Variants in SYNM observed in about 807,000 individuals in gnomAD.
The protein encoded by SYNM is desmuslin.
A neutral mutation model predicts 104.0 loss-of-function variants in SYNM; 95 were observed. The ratio of observed to expected loss-of-function variants is 0.91; its 90% CI spans 0.77 to 1.08. The LOEUF (loss-of-function observed/expected upper bound fraction) is 1.08. SYNM is among the 50% of genes least tolerant of loss of function. SYNM has a pLI of 0.00. For missense variants in SYNM, 2,150 were observed against 2,052.2 expected, an observed-to-expected ratio of 1.05 and a Z score of -0.92; for synonymous variants, 918 against 869.0, an observed-to-expected ratio of 1.06 and a Z score of -0.99.
At chr15:99,127,138 A>G (rs984766593) in intron 3 of SYNM, among the ~76,000 whole-genome samples, 1 of 152,098 alleles carries the variant, frequency 6.6e-6, no homozygotes. Flanking sequence ...TTCCAGACCA[A>G]GGGGTTATGG....
chr15:99,107,778 G>A (rs1402717470), intron 1 of SYNM, among the ~76,000 whole-genome samples: 1 of 152,114 alleles, frequency 6.6e-6, no homozygotes, highest in Non-Finnish European at 1.5e-5. Context: ...AGGGCCCACC[G>A]GGGAAGTGCT....
chr15:99,128,021 A>G (rs2151808299), intron 3 of SYNM, among the ~76,000 whole-genome samples: 1 of 152,262 alleles, frequency 6.6e-6, no homozygotes. Flanking sequence ...TCATTCATTC[A>G]TTCATTCATT....
chr15:99,134,748 G>A lies in SYNM; in HGVS notation c.*1690G>A, dbSNP rs2067549668. On this transcript the variant is annotated 3_prime_UTR_variant, in exon 4 of 4. Coordinates refer to ENST00000336292, the MANE Select transcript of SYNM (RefSeq NM_145728.3). The stretch of plus-strand genomic sequence containing the variant: ...GTTTTCTTCATTGATAAGTGGAGGA[G>A]AAATGCAGCACAGCTTTCAAGATAC... 1.3e-5 allele frequency: 2 copies of A among 152,236 alleles called. No individual in the cohort carries two copies. The highest frequency in any genetic ancestry group is 4.8e-5 in the African/African-American group (2 of 41,452). 9.4% of individuals were successfully genotyped at this position (152,236 alleles called of 1,614,324 possible). A position where few individuals can be genotyped will look rare whatever the true frequency, so the allele number is the denominator to read the frequency against.
Position 99,130,228 on chromosome 15 carries a change from G to C in SYNM, c.1868G>C (p.Ser623Thr), listed in dbSNP as rs1373425398. ...GAGCTACGGTTCAGGTTGGGCACCA[G>C]TGATGCCACTGGTTCTCTGCAAGGC... Reference protein sequence around the residue: ...ARELRFRLGTSDATGSLQGDS... With the variant: ...ARELRFRLGTTDATGSLQGDS... The change falls in exon 4 of 4, where the codon AGT becomes ACT. Residue 623 changes from serine (S) to threonine (T), a missense_variant. Physicochemically the swap from Ser to Thr is moderately conservative, Grantham distance 58. Transcript: ENST00000336292. The C allele has an allele frequency of 1.2e-5, 19 of 1,613,898 alleles. No individual in the cohort carries two copies. Among genetic ancestry groups the C allele is most frequent in the Non-Finnish European group, 1.6e-5 (19 of 1,179,914 alleles).
Position 99,132,393 on chromosome 15 carries a change from GGAGAGGGCTCAGCA to G in SYNM, c.4036_4049del (p.Glu1346CysfsTer12). On this transcript the variant is annotated frameshift_variant, in exon 4 of 4. Coordinates refer to ENST00000336292, the MANE Select transcript of SYNM (RefSeq NM_145728.3). LOFTEE classifies it high-confidence loss of function. ...TGGTGACTCAGAGAGCACTGTGCAC[GGAGAGGGCTCAGCA>G]GATGTGCACCAGGCCACTCACAGTC... The G allele has an allele frequency of 6.2e-7, 1 of 1,613,962 alleles. No individual in the cohort carries two copies. Among genetic ancestry groups the G allele is most frequent in the Non-Finnish European group, 8.5e-7 (1 of 1,179,878 alleles).
Position 99,115,083 on chromosome 15 carries a change from C to T in SYNM, c.935+1368C>T, listed in dbSNP as rs1022048897. Among the ~76,000 whole-genome samples, 4 of 152,180 alleles carry T rather than the reference C, an allele frequency of 2.6e-5. No individual in the cohort carries two copies. In the East Asian group the frequency reaches 5.8e-4, roughly 22 times the overall value. On this transcript the variant is annotated intron_variant, in intron 2 of 3. Coordinates refer to ENST00000336292, the MANE Select transcript of SYNM (RefSeq NM_145728.3). ...GAGAGAGGCCGGGAGGTTGGGGCTG[C>T]AGGCTGGTGAGGGGCAGAGCCAGCC...
At position 99,105,766 on chromosome 15, in the gene SYNM, G is replaced by C. The variant is rs2067231115; in HGVS notation, c.567G>C (p.Leu189=). The change falls in exon 1 of 4, where the codon CTG becomes CTC. Residue 189 remains leucine (L), a synonymous_variant. Transcript: ENST00000336292. The stretch of plus-strand genomic sequence containing the variant: ...GGGAGGTGCACGACAGCTACGCACT[G>C]CTGGTGGCCGAGTCGTGGCGGGAGA... The part of the protein sequence containing the change: ...RLREVHDSYA[L]LVAESWRETV... The C allele has an allele frequency of 6.5e-7, 1 of 1,541,630 alleles. No individual in the cohort carries two copies. The highest frequency in any genetic ancestry group is 2.5e-5 in the East Asian group (1 of 40,456).
chr15:99,117,732 TGCCTTTTTGGTAGGGTATTCACAAGCCAC>T (rs2151802718), intron 2 of SYNM, among the ~76,000 whole-genome samples: 1 of 83,418 alleles, frequency 1.2e-5, no homozygotes, highest in Non-Finnish European at 2.6e-5. Context: ...GTCCGGGGCC[TGCCTTTTTGGTAGGGTATTCACAAGCCAC>T]GGGGCCTGCC....
Position 99,129,366 on chromosome 15 carries a change from G to T in SYNM, c.1007-1G>T. 4 of 1,608,544 alleles carry T rather than the reference G, an allele frequency of 2.5e-6. No individual in the cohort carries two copies. The highest frequency in any genetic ancestry group is 3.4e-6 in the Non-Finnish European group (4 of 1,175,944). On this transcript the variant is annotated splice_acceptor_variant, in intron 3 of 3. Coordinates refer to ENST00000336292, the MANE Select transcript of SYNM (RefSeq NM_145728.3). LOFTEE classifies it high-confidence loss of function. ...ATGAATGCTTTGTTCAATTTCTACAGAATTCAGAAACAAATCCTATCACTA... is the reference window on the plus strand; with the variant it reads ...ATGAATGCTTTGTTCAATTTCTACATAATTCAGAAACAAATCCTATCACTA...
rs1555485088 is a variant in SYNM, at chr15:99,126,798, TA to T, written c.1006+10del. The stretch of plus-strand genomic sequence containing the variant: ...CGTTGAAAACATGCCGTCAGGTAAG[TA>T]AAAGCTAATGACTTGACTTAGCTTT... On this transcript the variant is annotated splice_region_variant and intron_variant, in intron 3 of 3. Coordinates refer to ENST00000336292, the MANE Select transcript of SYNM (RefSeq NM_145728.3). 2.6e-6 allele frequency: 4 copies of T among 1,561,162 alleles called. No homozygotes were observed. Among genetic ancestry groups the T allele is most frequent in the Non-Finnish European group, 3.5e-6 (4 of 1,152,052 alleles).
At position 99,117,017 on chromosome 15, in the gene SYNM, T is replaced by G. The variant is rs1411153267; in HGVS notation, c.935+3302T>G. On this transcript the variant is annotated intron_variant, in intron 2 of 3. Transcript: ENST00000336292. ...AACAACCAGATCTCATGTGGACTCA[T>G]AGAGTGAGAACTCACTCATTACTGA... is the stretch of plus-strand genomic sequence containing the variant. Among the ~76,000 whole-genome samples, 2 of 143,872 alleles carry G rather than the reference T, an allele frequency of 1.4e-5. 1 individual carries two copies. Among genetic ancestry groups the G allele is most frequent in the Admixed American group, 1.4e-4 (2 of 14,030 alleles). The allele number at this position is 143,872 out of a possible 152,430, so 94.4% of individuals were successfully genotyped here. A position where few individuals can be genotyped will look rare whatever the true frequency, so the allele number is the denominator to read the frequency against.
In SYNM at chr15:99,105,767, C is replaced by T; in HGVS notation, c.568C>T (p.Leu190=). 4 of 1,541,392 alleles carry T rather than the reference C, an allele frequency of 2.6e-6. No homozygotes were observed. The highest frequency in any genetic ancestry group is 3.5e-6 in the Non-Finnish European group (4 of 1,144,834). ...LREVHDSYAL[L]VAESWRETVQ... Reference sequence around the variant, plus strand: ...GGAGGTGCACGACAGCTACGCACTGCTGGTGGCCGAGTCGTGGCGGGAGAC... The same window carrying T: ...GGAGGTGCACGACAGCTACGCACTGTTGGTGGCCGAGTCGTGGCGGGAGAC... The change falls in exon 1 of 4, where the codon CTG becomes TTG. Residue 190 remains leucine (L), a synonymous_variant. Transcript: ENST00000336292.
chr15:99,130,419 GT>G lies in SYNM; in HGVS notation c.2061del (p.Val688TrpfsTer5). ...PGERKTKTEI[V>X]VESKLTEDVD... is the part of the protein sequence containing the mutation. ...GGAAAGGAAAACAAAGACTGAAATA[GT>G]TGTGGAGTCTAAACTGACTGAGGAT... On this transcript the variant is annotated frameshift_variant, in exon 4 of 4. Transcript: ENST00000336292. LOFTEE classifies it high-confidence loss of function. The G allele has an allele frequency of 6.2e-7, 1 of 1,613,892 alleles. No homozygotes were observed. Among genetic ancestry groups the G allele is most frequent in the East Asian group, 2.2e-5 (1 of 44,892 alleles).
At position 99,105,517 on chromosome 15, in the gene SYNM, C is replaced by T; in HGVS notation, c.318C>T (p.Arg106=). ...TGGATGCGGAGGAGCGCGCCGCCCG[C>T]GGCCGCCTGGACGCCGAGCTGGGTG... ...QRLDAEERAA[R]GRLDAELGAQ... is the part of the protein sequence containing the mutation. The change falls in exon 1 of 4, where the codon CGC becomes CGT. Residue 106 remains arginine (R), a synonymous_variant. Transcript: ENST00000336292. The T allele has an allele frequency of 7.9e-7, 1 of 1,262,962 alleles. No individual in the cohort carries two copies. Among genetic ancestry groups the T allele is most frequent in the Non-Finnish European group, 9.9e-7 (1 of 1,007,236 alleles). The allele number at this position is 1,262,962 out of a possible 1,614,324, so 78.2% of individuals were successfully genotyped here.
rs2067231878 is a variant in SYNM at position 99,105,809 on chromosome 15, G to A, written c.610G>A (p.Asp204Asn). The A allele has an allele frequency of 1.3e-6, 2 of 1,542,806 alleles. No individual in the cohort carries two copies. The highest frequency in any genetic ancestry group is 1.7e-6 in the Non-Finnish European group (2 of 1,145,550). ...SWRETVQLYE[D>N]EVRELEEALR... The stretch of plus-strand genomic sequence containing the variant: ...GCGGGAGACGGTGCAGCTGTACGAG[G>A]ACGAGGTGCGCGAGCTGGAGGAGGC... Residue 204 changes from aspartate (D) to asparagine (N), a missense_variant, in exon 1 of 4, where the codon GAC becomes AAC. Coordinates refer to ENST00000336292, the MANE Select transcript of SYNM (RefSeq NM_145728.3).
chr15:99,105,149 C>T lies in SYNM; in HGVS notation c.-51C>T. ...CGGAGAGGACGAGACCGGGACAAGA[C>T]CAGGGCAGGAGGGAGCCGGCCAGCC... is the stretch of plus-strand genomic sequence containing the variant. On this transcript the variant is annotated 5_prime_UTR_variant, in exon 1 of 4. Transcript: ENST00000336292. 5 of 1,542,360 alleles carry T rather than the reference C, an allele frequency of 3.2e-6. No individual in the cohort carries two copies. The highest frequency in any genetic ancestry group is 4.4e-6 in the Non-Finnish European group (5 of 1,149,386).
chr15:99,129,458 A>G lies in SYNM; in HGVS notation c.1098A>G (p.Ala366=). 1 of 1,614,042 alleles carries G rather than the reference A, an allele frequency of 6.2e-7. No individual in the cohort carries two copies. The highest frequency in any genetic ancestry group is 1.1e-5 in the South Asian group (1 of 91,088). The change falls in exon 4 of 4, where the codon GCA becomes GCG. Residue 366 remains alanine, a synonymous_variant. Transcript: ENST00000336292. The part of the protein sequence containing the change: ...NLFSRQKAPL[A]SFNHSSALYS... Reference sequence around the variant, plus strand: ...TTTCAAGGCAGAAAGCACCTTTGGCAAGTTTCAATCACAGCTCGGCACTGT... The same window carrying G: ...TTTCAAGGCAGAAAGCACCTTTGGCGAGTTTCAATCACAGCTCGGCACTGT...
At chr15:99,112,828 A>G (rs2067311577) in intron 1 of SYNM, among the ~76,000 whole-genome samples, 2 of 152,184 alleles carry the variant, frequency 1.3e-5, no homozygotes, top group African/African-American at 4.8e-5. Flanking sequence ...CCTGTTCCTC[A>G]GCCTCCTGAG....
chr15:99,115,469 ATT>A (rs60387897), intron 2 of SYNM, among the ~76,000 whole-genome samples: 21,897 of 129,698 alleles, frequency 0.17, 1,617 homozygotes, highest in East Asian at 0.3. Flanking sequence ...ATTTTATTCT[ATT>A]TTTTTTTTTT....
Sources: allele counts gnomAD v4.1 joint callset (sites outside exome capture counted in the v4.1 genomes callset), GRCh38; gene constraint gnomAD v4.1.1; transcripts MANE v1.5; gene names NCBI Gene and HGNC (gene_info 2026-07-23, HGNC 2026-07-21).